The following ROBO2 variants were observed in gnomAD, a reference collection of about 807,000 sequenced individuals.
ROBO2 encodes roundabout guidance receptor 2, also known as roundabout homolog 2.
A neutral mutation model predicts 160.8 loss-of-function variants in ROBO2; 53 were observed. That is an observed-to-expected ratio of 0.33 (90% CI 0.26 to 0.41). The LOEUF is 0.41. ROBO2 is among the 10% of genes least tolerant of loss of function. The pLI, the probability that ROBO2 is intolerant of heterozygous loss-of-function variation, is 1.00. For synonymous variants in ROBO2, 664 were observed against 611.7 expected (o/e 1.09, Z -1.26); for missense variants, 1,577 against 1,722.4 (o/e 0.92, Z 1.49).
chr3:77,206,956 A>C (rs1433398474), intron 2 of ROBO2, among the ~76,000 whole-genome samples: 1 of 152,146 alleles, frequency 6.6e-6, no homozygotes, highest in African/African-American at 2.4e-5. Context: ...TTAATGGTAC[A>C]CAGTATTTTT....
At chr3:76,577,213 A>G (rs2085365270) in intron 2 of ROBO2, among the ~76,000 whole-genome samples, 1 of 152,084 alleles carries the variant, frequency 6.6e-6, no homozygotes, top group South Asian at 2.1e-4. Flanking sequence ...TTTAAATGTA[A>G]AAACTACATA....
Position 77,595,127 on chromosome 3 carries a change from T to C in ROBO2, c.2684-15T>C. 6.2e-7 allele frequency: 1 copy of C among 1,606,416 alleles called. No homozygotes were observed. Among genetic ancestry groups the C allele is most frequent in the South Asian group, 1.1e-5 (1 of 90,850 alleles). On this transcript the variant is annotated splice_polypyrimidine_tract_variant and intron_variant, in intron 17 of 25. Transcript: ENST00000461745. ...ACTTGTGTGTGCATGTCTTCCTTTTTTTCTTTTTTCATAGTTACGTTTCAA... is the reference window on the plus strand; with the variant it reads ...ACTTGTGTGTGCATGTCTTCCTTTTCTTCTTTTTTCATAGTTACGTTTCAA...
chr3:76,096,293 C>T (rs1224352119), intron 2 of ROBO2, among the ~76,000 whole-genome samples: 2 of 151,988 alleles, frequency 1.3e-5, no homozygotes, highest in African/African-American at 4.8e-5. Context: ...ATAAACTAGC[C>T]AGCATCATAA....
At chr3:76,361,470 C>T (rs1487805261) in intron 2 of ROBO2, among the ~76,000 whole-genome samples, 3 of 151,982 alleles carry the variant, frequency 2.0e-5, no homozygotes, top group African/African-American at 7.2e-5. Context: ...TATGCTTATA[C>T]TTCAAAGATG....
intron 2 of ROBO2, among the ~76,000 whole-genome samples, chr3:76,069,514 G>A (rs1409635534): frequency 2.4e-5 from 3 of 126,736 alleles, no homozygotes; most frequent in Admixed American, 1.8e-4. Context: ...CAGACAGCAG[G>A]CTTATTGCTA....
At chr3:77,637,583 T>C (rs543354351) in intron 24 of ROBO2, among the ~76,000 whole-genome samples, 1 of 152,208 alleles carries the variant, frequency 6.6e-6, no homozygotes, top group Non-Finnish European at 1.5e-5. Context: ...CATTTAAAAC[T>C]ATTCGTAGTG....
intron 2 of ROBO2, among the ~76,000 whole-genome samples, chr3:76,993,895 A>AT (rs1292690208): frequency 4.0e-5 from 6 of 151,696 alleles, no homozygotes; most frequent in Admixed American, 3.3e-4. Context: ...AAAAAAAAAA[A>AT]CAAAACATTG....
At chr3:76,891,356 T>C (rs2074330537) in intron 2 of ROBO2, among the ~76,000 whole-genome samples, 1 of 152,128 alleles carries the variant, frequency 6.6e-6, no homozygotes, top group Non-Finnish European at 1.5e-5. Context: ...TTTAAATAAA[T>C]TTAAAATTAT....
intron 2 of ROBO2, among the ~76,000 whole-genome samples, chr3:77,238,178 G>A (rs894326092): frequency 3.9e-5 from 6 of 151,982 alleles, no homozygotes; most frequent in Admixed American, 3.9e-4. Context: ...CTCAGCCCGT[G>A]TTTGTCTATT....
intron 2 of ROBO2, among the ~76,000 whole-genome samples, chr3:76,350,416 T>C (rs2074801230): frequency 6.6e-6 from 1 of 152,086 alleles, no homozygotes; most frequent in African/African-American, 2.4e-5. Flanking sequence ...GAAATATATC[T>C]TCAGTTGTAA....
chr3:77,519,869 A>G (rs756083553), intron 5 of ROBO2, among the ~76,000 whole-genome samples: 44 of 151,312 alleles, frequency 2.9e-4, no homozygotes, highest in Non-Finnish European at 5.0e-4. Flanking sequence ...GCTTTCCCCA[A>G]TGTCTGAACT....
intron 2 of ROBO2, among the ~76,000 whole-genome samples, chr3:76,543,919 C>T (rs2082949686): frequency 6.6e-6 from 1 of 152,028 alleles, no homozygotes; most frequent in Non-Finnish European, 1.5e-5. Context: ...TTATGCTCCT[C>T]AGTCGATCTT....
intron 2 of ROBO2, among the ~76,000 whole-genome samples, chr3:76,738,124 A>T (rs970287405): frequency 1.3e-5 from 2 of 151,988 alleles, no homozygotes; most frequent in Non-Finnish European, 2.9e-5. Flanking sequence ...ACACAGGGAG[A>T]CCCTGACTCA....
At chr3:75,974,661 T>C (rs551300478) in intron 2 of ROBO2, among the ~76,000 whole-genome samples, 7 of 151,778 alleles carry the variant, frequency 4.6e-5, no homozygotes, top group Non-Finnish European at 8.9e-5. Context: ...GCAGTTATTC[T>C]CTAATGTTAG....
rs1349747443 is a variant in ROBO2, at chr3:77,086,338, C to T, written c.62-11676C>T. On this transcript the variant is annotated intron_variant, in intron 1 of 25. Transcript: ENST00000461745. ...ATTCAATCTTCTCAGCAATGTTATT[C>T]GACTGATACTGCTATGTTTTATACA... Among the ~76,000 whole-genome samples the T allele has an allele frequency of 6.6e-5, 10 of 152,136 alleles. No individual in the cohort carries two copies. In the East Asian group the frequency reaches 1.4e-3, roughly 21 times the overall value.
intron 2 of ROBO2, among the ~76,000 whole-genome samples, chr3:76,160,625 G>A (rs1034558794): frequency 4.6e-5 from 7 of 152,120 alleles, no homozygotes; most frequent in African/African-American, 1.7e-4. Context: ...TAAACTTTTT[G>A]TAAAGGATCA....
intron 2 of ROBO2, among the ~76,000 whole-genome samples, chr3:76,878,648 T>C (rs1168639404): frequency 6.6e-6 from 1 of 152,176 alleles, no homozygotes; most frequent in Non-Finnish European, 1.5e-5. Flanking sequence ...CCGTATTTTC[T>C]TTTCTCGTTT....
intron 2 of ROBO2, among the ~76,000 whole-genome samples, chr3:76,938,794 A>C (rs2077932631): frequency 6.6e-6 from 1 of 151,860 alleles, no homozygotes; most frequent in African/African-American, 2.4e-5. Flanking sequence ...ACATGGAGAA[A>C]CCCCGTCTCT....
At chr3:76,141,055 A>G (rs1294708158) in intron 2 of ROBO2, among the ~76,000 whole-genome samples, 1 of 52,346 alleles carries the variant, frequency 1.9e-5, no homozygotes, top group African/African-American at 6.9e-5. Flanking sequence ...ATGTCTTTTT[A>G]CATACATATA....
Sources: gnomAD v4.1 joint callset for allele counts (sites outside exome capture counted in the v4.1 genomes callset) on GRCh38, gnomAD v4.1.1 for gene constraint, MANE v1.5 for transcripts, NCBI Gene and HGNC (gene_info 2026-07-23, HGNC 2026-07-21) for gene names.